FOXK1: variants seen among roughly 807,000 people sequenced by gnomAD.
FOXK1 encodes forkhead box K1, also known as forkhead box protein K1.
FOXK1 carries 19 observed loss-of-function variants against 51.9 expected under a neutral mutation model. That is an observed-to-expected ratio of 0.37 (90% CI 0.26 to 0.54). The LOEUF (loss-of-function observed/expected upper bound fraction) is 0.54, where lower values mean the gene tolerates loss of function less well. Ranked by LOEUF, FOXK1 falls within the 20% of genes least tolerant of loss-of-function variation. FOXK1 has a pLI of 0.87. For synonymous variants in FOXK1, 537 were observed against 482.6 expected (o/e 1.11, Z -1.48); for missense variants, 870 against 1,032.7 (o/e 0.84, Z 2.16).
chr7:4,701,936 A>G (rs1373577465), intron 1 of FOXK1, among the ~76,000 whole-genome samples: 2 of 152,022 alleles, frequency 1.3e-5, no homozygotes, highest in African/African-American at 4.8e-5. Context: ...TTATCTGGGC[A>G]TGGTGGTGCT....
chr7:4,725,681 C>A (rs934825341), intron 1 of FOXK1, among the ~76,000 whole-genome samples: 1 of 152,254 alleles, frequency 6.6e-6, no homozygotes, highest in African/African-American at 2.4e-5. Flanking sequence ...CCAAGGCTGC[C>A]GACTGGCCCA....
At chr7:4,694,947 C>T (rs1779934623) in intron 1 of FOXK1, among the ~76,000 whole-genome samples, 1 of 152,238 alleles carries the variant, frequency 6.6e-6, no homozygotes, top group Admixed American at 6.5e-5. Flanking sequence ...ACCTCCTGCG[C>T]CTTACCAAGA....
intron 1 of FOXK1, among the ~76,000 whole-genome samples, chr7:4,702,405 C>T (rs1312507978): frequency 6.6e-6 from 1 of 152,056 alleles, no homozygotes; most frequent in Non-Finnish European, 1.5e-5. Context: ...TGCAATGGTG[C>T]AATCTTGGCT....
rs1368742431 is a variant in FOXK1 at position 4,715,527 on chromosome 7, T to C, written c.561-25311T>C. On this transcript the variant is annotated intron_variant, in intron 1 of 8. Transcript: ENST00000328914. This position sits in a 1 kb window ranked among gnomAD's most constrained non-coding sequence, Gnocchi z 4.5. ...TGCCCGAGCTCTGAGAAGCTCTTCA[T>C]CTATCAGCAGTCAGCTTTCCACTTA... Among the ~76,000 whole-genome samples the C allele has an allele frequency of 6.6e-6, 1 of 152,206 alleles. No individual in the cohort carries two copies. The highest frequency in any genetic ancestry group is 6.5e-5 in the Admixed American group (1 of 15,284).
In FOXK1 at chr7:4,707,241, CG is replaced by C. The variant is rs920141744; in HGVS notation, c.560+24377del. On this transcript the variant is annotated intron_variant, in intron 1 of 8. Coordinates refer to ENST00000328914, the MANE Select transcript of FOXK1 (RefSeq NM_001037165.2). This position sits in a 1 kb window ranked among gnomAD's most constrained non-coding sequence, Gnocchi z 4.1. ...AGAGGTGCGGGGAGCTCAGGGCGTT[CG>C]GGGTGGTGTTCTGGTGGAGGGGACG... Among the ~76,000 whole-genome samples the C allele has an allele frequency of 1.9e-4, 29 of 152,006 alleles. No homozygotes were observed. Among genetic ancestry groups the C allele is most frequent in the Admixed American group, 1.8e-3 (28 of 15,256 alleles).
intron 1 of FOXK1, among the ~76,000 whole-genome samples, chr7:4,727,035 C>T (rs535840643): frequency 2.0e-5 from 3 of 152,242 alleles, no homozygotes; most frequent in East Asian, 1.9e-4. Flanking sequence ...GCCTTGAATT[C>T]CTGGGCTCAA....
chr7:4,731,713 TG>T lies in FOXK1; in HGVS notation c.561-9124del, dbSNP rs1336535430. Among the ~76,000 whole-genome samples the T allele has an allele frequency of 6.8e-6, 1 of 146,140 alleles. No individual in the cohort carries two copies. The highest frequency in any genetic ancestry group is 1.5e-5 in the Non-Finnish European group (1 of 67,402). ...GGCGGAGGTTGCAGTGAGCTGAGAT[TG>T]CACCACTGCACTCCAGCCTGGGCAA... On this transcript the variant is annotated intron_variant, in intron 1 of 8. Transcript: ENST00000328914. This position sits in a 1 kb window ranked among gnomAD's most constrained non-coding sequence, Gnocchi z 5.3.
chr7:4,729,407 G>T lies in FOXK1; in HGVS notation c.561-11431G>T, dbSNP rs1336296501. Among the ~76,000 whole-genome samples, 1 of 152,186 alleles carries T rather than the reference G, an allele frequency of 6.6e-6. No individual in the cohort carries two copies. ...ACCACGGGTCCCCATGTTGGGATTG[G>T]GAAGCAGTCACCTACCAGATGAGCG... is the stretch of plus-strand genomic sequence containing the variant. On this transcript the variant is annotated intron_variant, in intron 1 of 8. Transcript: ENST00000328914. The surrounding 1 kb of genome is among the most constrained non-coding windows in gnomAD (Gnocchi z 6.2).
chr7:4,755,365 G>A lies in FOXK1; in HGVS notation c.1032G>A (p.Thr344=), dbSNP rs566727725. ...CCAAGCATTACCCCTACTACCGGAC[G>A]GCCGACAAAGGCTGGCAGGTGAAGC... is the stretch of plus-strand genomic sequence containing the variant. ...HITKHYPYYR[T]ADKGWQNSIR... The change falls in exon 4 of 9, where the codon ACG becomes ACA. Residue 344 remains threonine, a synonymous_variant. Transcript: ENST00000328914. This position sits in a 1 kb window ranked among gnomAD's most constrained non-coding sequence, Gnocchi z 6.6. 66 of 1,613,496 alleles carry A rather than the reference G, an allele frequency of 4.1e-5. No homozygotes were observed. The highest frequency in any genetic ancestry group is 5.2e-5 in the Non-Finnish European group (61 of 1,179,974).
chr7:4,762,274 A>G lies in FOXK1; in HGVS notation c.2012A>G (p.Glu671Gly), dbSNP rs1181729320. ...CGGGTGTGCGAGGTGGGGCCCAAGG[A>G]GCCAGCAGCAGCCGTCGCGGCCACG... The part of the protein sequence containing the change: ...VTRVCEVGPK[E>G]PAAAVAATAT... Residue 671 changes from glutamate (E) to glycine (G), a missense_variant, in exon 9 of 9, where the codon GAG becomes GGG. By Grantham distance (98) the Glu-to-Gly change is moderately conservative. Transcript: ENST00000328914. The surrounding 1 kb of genome is among the most constrained non-coding windows in gnomAD (Gnocchi z 5.7). 6.4e-7 allele frequency: 1 copy of G among 1,550,488 alleles called. No homozygotes were observed. Among genetic ancestry groups the G allele is most frequent in the Non-Finnish European group, 8.7e-7 (1 of 1,146,860 alleles).
At position 4,758,141 on chromosome 7, in the gene FOXK1, A is replaced by G. The variant is rs1013175686; in HGVS notation, c.1245-910A>G. The G allele has an allele frequency of 1.3e-5, 2 of 152,290 alleles. No individual in the cohort carries two copies. Among genetic ancestry groups the G allele is most frequent in the Admixed American group, 6.5e-5 (1 of 15,288 alleles). The allele number at this position is 152,290 out of a possible 1,614,324, so 9.4% of individuals were successfully genotyped here. A position where few individuals can be genotyped will look rare whatever the true frequency, so the allele number is the denominator to read the frequency against. ...TGTGAGAGGACCCGGGGAGAGCCCA[A>G]TCTTCGAAGGGACAGATGAGGGGTA... On this transcript the variant is annotated intron_variant, in intron 5 of 8. Coordinates refer to ENST00000328914, the MANE Select transcript of FOXK1 (RefSeq NM_001037165.2). The surrounding 1 kb of genome is among the most constrained non-coding windows in gnomAD (Gnocchi z 4.4).
intron 1 of FOXK1, among the ~76,000 whole-genome samples, chr7:4,684,999 G>A (rs763447554): frequency 6.6e-6 from 1 of 151,832 alleles, no homozygotes; most frequent in Non-Finnish European, 1.5e-5. Context: ...CATTGTGGTG[G>A]GGCTGTCAGG....
At chr7:4,713,733 G>T (rs1780202935) in intron 1 of FOXK1, among the ~76,000 whole-genome samples, 2 of 151,540 alleles carry the variant, frequency 1.3e-5, no homozygotes, top group African/African-American at 4.9e-5. Context: ...CTCGTGATCT[G>T]CCCGCCTTGG....
chr7:4,696,832 C>G (rs573838253), intron 1 of FOXK1, among the ~76,000 whole-genome samples: 1 of 152,306 alleles, frequency 6.6e-6, no homozygotes, highest in African/African-American at 2.4e-5. Flanking sequence ...CTTTGGGAGG[C>G]TGAGGTGGGT....
Position 4,682,537 on chromosome 7 carries a change from G to C in FOXK1, c.229G>C (p.Val77Leu). The change falls in exon 1 of 9, where the codon GTA becomes CTA. Residue 77 changes from valine to leucine, a missense_variant. This residue lies in a region of FOXK1 where 399 missense variants were observed against 475.6 expected (regional missense o/e 0.84). Coordinates refer to ENST00000328914, the MANE Select transcript of FOXK1 (RefSeq NM_001037165.2). This position sits in a 1 kb window ranked among gnomAD's most constrained non-coding sequence, Gnocchi z 7.6. ...GAGSSGGSSG[V>L]SGDSAVAGAA... is the part of the protein sequence containing the mutation. ...GGGCTCCTCCGGGGGCTCCTCCGGG[G>C]TATCCGGGGACTCCGCGGTCGCGGG... 1.8e-6 allele frequency: 2 copies of C among 1,136,354 alleles called. No homozygotes were observed. Among genetic ancestry groups the C allele is most frequent in the Non-Finnish European group, 2.2e-6 (2 of 930,156 alleles). 70.4% of individuals were successfully genotyped at this position (1,136,354 alleles called of 1,614,324 possible).
intron 1 of FOXK1, among the ~76,000 whole-genome samples, chr7:4,728,502 A>C (rs1010819314): frequency 6.6e-6 from 1 of 152,120 alleles, no homozygotes; most frequent in South Asian, 2.1e-4. Flanking sequence ...GTGTGCACTA[A>C]AGTGCACGTG....
At chr7:4,740,770 T>C in intron 1 of FOXK1, 68 bp from the exon 2 acceptor site, 1 of 1,497,600 alleles carries the variant, frequency 6.7e-7, no homozygotes, top group Non-Finnish European at 9.0e-7. Context: ...GACACGCACC[T>C]TCCCTGGGTG....
intron 1 of FOXK1, among the ~76,000 whole-genome samples, chr7:4,717,554 G>A (rs1048392855): frequency 4.9e-4 from 75 of 152,194 alleles, no homozygotes; most frequent in Non-Finnish European, 3.2e-4. Flanking sequence ...GTGGCAGGAC[G>A]TGCATGGCTG....
chr7:4,684,827 C>A (rs1779798466), intron 1 of FOXK1, among the ~76,000 whole-genome samples: 1 of 152,118 alleles, frequency 6.6e-6, no homozygotes, highest in Non-Finnish European at 1.5e-5. Flanking sequence ...GAGGCTTTCA[C>A]GGTATTTTTT....
Sources: allele counts gnomAD v4.1 joint callset (sites outside exome capture counted in the v4.1 genomes callset), GRCh38; gene constraint gnomAD v4.1.1; regional missense constraint gnomAD v4.1.1; non-coding constraint Gnocchi (gnomAD v3.1); transcripts MANE v1.5; gene names NCBI Gene and HGNC (gene_info 2026-07-23, HGNC 2026-07-21).